Variants in CNKSR3 observed in about 807,000 individuals in gnomAD.
CNKSR3 encodes CNKSR family member 3.
Under a neutral mutation model 67.7 loss-of-function variants are expected in CNKSR3, and 36 were observed. That is an observed-to-expected ratio of 0.53 (90% CI 0.41 to 0.70). The LOEUF (loss-of-function observed/expected upper bound fraction) is 0.70, where lower values mean the gene tolerates loss of function less well. CNKSR3 is among the 30% of genes least tolerant of loss of function. The pLI, the probability that CNKSR3 is intolerant of heterozygous loss-of-function variation, is 0.00. For synonymous variants in CNKSR3, 281 were observed against 271.4 expected (o/e 1.04, Z -0.35); for missense variants, 630 against 695.2 (o/e 0.91, Z 1.05).
chr6:154,422,697 C>A (rs762671090), intron 8 of CNKSR3, 45 bp from the exon 9 acceptor site: 2 of 1,594,748 alleles, frequency 1.3e-6, no homozygotes, highest in Admixed American at 1.7e-5. Context: ...TCATGAATAA[C>A]GAAAAAAACC....
intron 7 of CNKSR3, among the ~76,000 whole-genome samples, chr6:154,426,424 C>T (rs931097165): frequency 6.6e-6 from 1 of 152,028 alleles, no homozygotes; most frequent in African/African-American, 2.4e-5. Context: ...TGCAGTGGCT[C>T]GATCTCGGCT....
At chr6:154,432,054 A>G (rs1417487483) in intron 5 of CNKSR3, among the ~76,000 whole-genome samples, 2 of 152,170 alleles carry the variant, frequency 1.3e-5, no homozygotes, top group East Asian at 3.8e-4. Context: ...TATGGTAAGA[A>G]TATGTTTAGT....
At chr6:154,434,968 T>TC (rs1785441207) in intron 4 of CNKSR3, among the ~76,000 whole-genome samples, 1 of 152,004 alleles carries the variant, frequency 6.6e-6, no homozygotes, top group Non-Finnish European at 1.5e-5. Flanking sequence ...ACTTTATCTT[T>TC]GTGTCTATAA....
chr6:154,434,417 C>A (rs1165390055), intron 4 of CNKSR3, among the ~76,000 whole-genome samples: 1 of 152,104 alleles, frequency 6.6e-6, no homozygotes, highest in Admixed American at 6.5e-5. Context: ...ATGCTAATTT[C>A]TTTTATGTAC....
At chr6:154,468,384 T>C (rs1321415166) in intron 1 of CNKSR3, among the ~76,000 whole-genome samples, 13 of 125,826 alleles carry the variant, frequency 1.0e-4, no homozygotes, top group South Asian at 5.4e-4. Flanking sequence ...CCAGCCCATA[T>C]ATATTTTATA....
At chr6:154,408,301 G>A (rs1449701457) in intron 12 of CNKSR3, among the ~76,000 whole-genome samples, 1 of 152,194 alleles carries the variant, frequency 6.6e-6, no homozygotes, top group Non-Finnish European at 1.5e-5. Flanking sequence ...GGGATTACAG[G>A]TGTGAGCCAC....
At position 154,395,081 on chromosome 6, in the gene CNKSR3, G is replaced by A. The variant is rs1032566789; in HGVS notation, c.*11273C>T. ...CAGGTGGAAAAGGTCAAGTGGAACG[G>A]AGGTGCCCAGGGCAGGAGAGCAGGG... On this transcript the variant is annotated 3_prime_UTR_variant, in exon 13 of 13. Transcript: ENST00000607772. The A allele has an allele frequency of 1.3e-5, 2 of 152,298 alleles. No homozygotes were observed. The highest frequency in any genetic ancestry group is 6.5e-5 in the Admixed American group (1 of 15,284). The allele number at this position is 152,298 out of a possible 1,614,324, so 9.4% of individuals were successfully genotyped here.
intron 11 of CNKSR3, among the ~76,000 whole-genome samples, 195 bp from the exon 12 acceptor site, chr6:154,410,627 C>G (rs918380316): frequency 6.6e-6 from 1 of 152,180 alleles, no homozygotes; most frequent in Admixed American, 6.5e-5. Context: ...GATAGAGGCA[C>G]ATTAAACTTG....
At chr6:154,475,749 T>C (rs1393596946) in intron 1 of CNKSR3, among the ~76,000 whole-genome samples, 1 of 152,242 alleles carries the variant, frequency 6.6e-6, no homozygotes, top group East Asian at 1.9e-4. Context: ...TGGCTAGCTC[T>C]GCTCCACTAC....
intron 1 of CNKSR3, among the ~76,000 whole-genome samples, chr6:154,504,380 G>C (rs1787056462): frequency 6.6e-6 from 1 of 152,222 alleles, no homozygotes; most frequent in Admixed American, 6.5e-5. Context: ...TCACTGCTCA[G>C]AGAAAACAGT....
chr6:154,490,699 C>A (rs535816497), intron 1 of CNKSR3, among the ~76,000 whole-genome samples: 23 of 152,044 alleles, frequency 1.5e-4, no homozygotes, highest in Non-Finnish European at 2.8e-4. Flanking sequence ...ATTCACCTCA[C>A]AACAGAGCCA....
At chr6:154,422,821 T>C in intron 8 of CNKSR3, 94 bp downstream of exon 8, 1 of 1,215,602 alleles carries the variant, frequency 8.2e-7, no homozygotes, top group Non-Finnish European at 1.2e-6. Context: ...AAAAATAGGA[T>C]ATAAGCGGCA....
At chr6:154,414,802 T>C (rs1484474485) in intron 9 of CNKSR3, 1 of 493,350 alleles carries the variant, frequency 2.0e-6, no homozygotes, top group Non-Finnish European at 4.2e-6. Context: ...TCATGAAAAT[T>C]ACTAGCAAGG....
chr6:154,406,325 C>A lies in CNKSR3; in HGVS notation c.*29G>T. Reference sequence around the variant, plus strand: ...AAAAGCAAGGCACTTGGGGCAGGAGCCAGGCAGGTGGCCTGAGCAGGGTCC... The same window carrying A: ...AAAAGCAAGGCACTTGGGGCAGGAGACAGGCAGGTGGCCTGAGCAGGGTCC... On this transcript the variant is annotated 3_prime_UTR_variant, in exon 13 of 13. Coordinates refer to ENST00000607772, the MANE Select transcript of CNKSR3 (RefSeq NM_173515.4). The A allele has an allele frequency of 6.3e-7, 1 of 1,584,682 alleles. No homozygotes were observed. The highest frequency in any genetic ancestry group is 8.6e-7 in the Non-Finnish European group (1 of 1,165,322).
chr6:154,450,838 T>C (rs538675650), intron 1 of CNKSR3, among the ~76,000 whole-genome samples: 4 of 152,206 alleles, frequency 2.6e-5, no homozygotes, highest in Non-Finnish European at 5.9e-5. Context: ...AAGATAAACC[T>C]TGGCAATGCT....
At chr6:154,500,125 AG>A (rs1786951772) in intron 1 of CNKSR3, among the ~76,000 whole-genome samples, 1 of 152,182 alleles carries the variant, frequency 6.6e-6, no homozygotes, top group Non-Finnish European at 1.5e-5. Flanking sequence ...ATATTAAGCT[AG>A]TTTTCCTCTA....
At chr6:154,495,798 T>C (rs1253329242) in intron 1 of CNKSR3, among the ~76,000 whole-genome samples, 3 of 152,110 alleles carry the variant, frequency 2.0e-5, no homozygotes, top group Non-Finnish European at 4.4e-5. Flanking sequence ...TACTCCTGTG[T>C]GGCGCCTCTT....
intron 1 of CNKSR3, among the ~76,000 whole-genome samples, chr6:154,458,975 T>C (rs1786018532): frequency 6.6e-6 from 1 of 150,974 alleles, no homozygotes; most frequent in Admixed American, 6.6e-5. Context: ...TACCTTTACT[T>C]ACAAGAGCAG....
chr6:154,488,821 A>G (rs938100379), intron 1 of CNKSR3, among the ~76,000 whole-genome samples: 1 of 152,234 alleles, frequency 6.6e-6, no homozygotes, highest in African/African-American at 2.4e-5. Flanking sequence ...CTTTTTTAAA[A>G]AGGTAACTAT....
Sources: gnomAD v4.1 joint callset for allele counts (sites outside exome capture counted in the v4.1 genomes callset) on GRCh38, gnomAD v4.1.1 for gene constraint, MANE v1.5 for transcripts, NCBI Gene and HGNC (gene_info 2026-07-23, HGNC 2026-07-21) for gene names.